CSRNP2: variants seen among roughly 807,000 people sequenced by gnomAD.
CSRNP2 encodes cysteine/serine-rich nuclear protein 2.
CSRNP2 carries 11 observed loss-of-function variants against 36.6 expected under a neutral mutation model. The observed-to-expected ratio is 0.30, with a 90% CI of 0.19 to 0.50. The LOEUF (loss-of-function observed/expected upper bound fraction) is 0.50. Among genes scored for constraint, CSRNP2 ranks in the 20% least tolerant of loss-of-function variants. CSRNP2 has a pLI of 0.98. For missense variants in CSRNP2, 483 were observed against 691.4 expected, an observed-to-expected ratio of 0.70 and a Z score of 3.38; for synonymous variants, 248 against 275.3, an observed-to-expected ratio of 0.90 and a Z score of 0.98.
chr12:51,079,607 C>CA (rs35343188), intron 1 of CSRNP2, among the ~76,000 whole-genome samples: 40 of 135,392 alleles, frequency 3.0e-4, no homozygotes, highest in African/African-American at 5.2e-4. Context: ...ACTAAAAATC[C>CA]AAAAAAAAAA....
intron 1 of CSRNP2, among the ~76,000 whole-genome samples, chr12:51,077,122 TG>T (rs916355879): frequency 3.3e-4 from 50 of 152,044 alleles, no homozygotes; most frequent in African/African-American, 1.1e-3. Flanking sequence ...ACTATTTATC[TG>T]TTTTAGAAAC....
intron 2 of CSRNP2, among the ~76,000 whole-genome samples, chr12:51,075,166 G>A (rs1939343968): frequency 6.6e-6 from 1 of 151,986 alleles, no homozygotes; most frequent in Non-Finnish European, 1.5e-5. Context: ...AGGCTAGAGT[G>A]CATGGCACAA....
chr12:51,076,677 C>T (rs780534822), intron 1 of CSRNP2, 30 bp from the exon 2 acceptor site: 16 of 1,203,334 alleles, frequency 1.3e-5, no homozygotes, highest in Non-Finnish European at 1.9e-5. Context: ...AATCAGCATT[C>T]CTGTCCCCAG....
Position 51,061,390 on chromosome 12 carries a change from G to GTAA in CSRNP2, c.*2353_*2355dup, listed in dbSNP as rs1948825366. ...AAATTGGAAAATAATAAGGGTTGTG[G>GTAA]TAATAAGAGTCATTTATCTAGGCCT... On this transcript the variant is annotated 3_prime_UTR_variant, in exon 5 of 5. Coordinates refer to ENST00000228515, the MANE Select transcript of CSRNP2 (RefSeq NM_030809.3). 6.6e-6 allele frequency: 1 copy of GTAA among 152,612 alleles called. No individual in the cohort carries two copies. The highest frequency in any genetic ancestry group is 6.5e-5 in the Admixed American group (1 of 15,270). 9.5% of individuals were successfully genotyped at this position (152,612 alleles called of 1,614,324 possible).
At chr12:51,066,688 A>G (rs987297867) in intron 4 of CSRNP2, among the ~76,000 whole-genome samples, 3 of 151,876 alleles carry the variant, frequency 2.0e-5, no homozygotes, top group African/African-American at 7.3e-5. Context: ...TCTCTTTCAG[A>G]TAACTATGGT....
intron 4 of CSRNP2, 41 bp from the exon 5 acceptor site, chr12:51,064,710 A>G: frequency 6.8e-7 from 1 of 1,468,954 alleles, no homozygotes; most frequent in Non-Finnish European, 9.1e-7. Flanking sequence ...TGAGACCTAC[A>G]ATCCTAACAA....
Sources: gnomAD v4.1 joint callset for allele counts (sites outside exome capture counted in the v4.1 genomes callset) on GRCh38, gnomAD v4.1.1 for gene constraint, MANE v1.5 for transcripts, NCBI Gene and HGNC (gene_info 2026-07-23, HGNC 2026-07-21) for gene names.